The following SLC2A9 variants were observed in gnomAD, a reference collection of about 807,000 sequenced individuals.
SLC2A9 encodes the protein solute carrier family 2 member 9.
In SLC2A9, 39 loss-of-function variants were observed where a neutral mutation model predicts 50.6. The ratio of observed to expected loss-of-function variants is 0.77; its 90% CI spans 0.60 to 1.01. The LOEUF (loss-of-function observed/expected upper bound fraction) is 1.01. Ranked by LOEUF, SLC2A9 falls within the 50% of genes least tolerant of loss-of-function variation. SLC2A9 has a pLI of 0.00. For missense variants in SLC2A9, 686 were observed against 677.6 expected (o/e 1.01, Z -0.14); for synonymous variants, 324 against 276.9 (o/e 1.17, Z -1.69).
At chr4:9,981,096 G>C (rs530196019) in intron 4 of SLC2A9, among the ~76,000 whole-genome samples, 1 of 150,592 alleles carries the variant, frequency 6.6e-6, no homozygotes, top group African/African-American at 2.4e-5. Flanking sequence ...AGTGATGGTA[G>C]TAATGGTGAT....
chr4:9,971,502 C>A lies in SLC2A9; in HGVS notation c.681+9090G>T, dbSNP rs143024417. Among the ~76,000 whole-genome samples the A allele has an allele frequency of 2.0e-5, 3 of 152,336 alleles. No individual in the cohort carries two copies. In the East Asian group the frequency reaches 5.8e-4, roughly 29 times the overall value. On this transcript the variant is annotated intron_variant, in intron 5 of 11. Transcript: ENST00000264784. ...AGGTAGATGTAGCCTGAGAACCACT[C>A]TCTCCAAACCCCTCTTGTTGCTCAA... is the stretch of plus-strand genomic sequence containing the variant.
chr4:9,934,561 T>C (rs575036433), intron 6 of SLC2A9, among the ~76,000 whole-genome samples: 45 of 152,326 alleles, frequency 3.0e-4, no homozygotes, highest in African/African-American at 1.1e-3. Context: ...AGCACTATCC[T>C]AGCCATGAGC....
chr4:9,958,132 T>A (rs1412046935), intron 5 of SLC2A9, among the ~76,000 whole-genome samples: 1 of 152,192 alleles, frequency 6.6e-6, no homozygotes, highest in Non-Finnish European at 1.5e-5. Context: ...CCTTCAAAAT[T>A]CTGAGGAAAA....
At chr4:9,782,663 G>A (rs1229920214) in intron 3 of SLC2A9, 32 of 1,613,908 alleles carry the variant, frequency 2.0e-5, no homozygotes, top group Non-Finnish European at 2.5e-5. Flanking sequence ...GGAGCCCGAC[G>A]TGAATGCAGA....
At chr4:9,884,538 A>C (rs1047602835) in intron 10 of SLC2A9, among the ~76,000 whole-genome samples, 1 of 152,104 alleles carries the variant, frequency 6.6e-6, no homozygotes, top group African/African-American at 2.4e-5. Flanking sequence ...TCTGTGCAAC[A>C]GTGTATTTGT....
In SLC2A9 at chr4:10,018,994, A is replaced by G; in HGVS notation, c.230T>C (p.Val77Ala). ...ACTCACCGGGGTGGGGGCATTCACCACCGACAGGTTGTAGCCGTAGAGGAA... is the reference window on the plus strand; with the variant it reads ...ACTCACCGGGGTGGGGGCATTCACCGCCGACAGGTTGTAGCCGTAGAGGAA... ...SSFLYGYNLS[V>A]VNAPTPYIKA... is the part of the protein sequence containing the mutation. The change falls in exon 2 of 12, where the codon GTG becomes GCG. Residue 77 changes from valine to alanine, a missense_variant. Coordinates refer to ENST00000264784, the MANE Select transcript of SLC2A9 (RefSeq NM_020041.3). 3 of 1,550,064 alleles carry G rather than the reference A, an allele frequency of 1.9e-6. No homozygotes were observed. The highest frequency in any genetic ancestry group is 2.6e-6 in the Non-Finnish European group (3 of 1,146,916).
At chr4:9,900,071 A>T (rs1379248961) in intron 8 of SLC2A9, among the ~76,000 whole-genome samples, 1 of 152,222 alleles carries the variant, frequency 6.6e-6, no homozygotes, top group Non-Finnish European at 1.5e-5. Flanking sequence ...AAAAAAAAAT[A>T]GCTCTTCAAG....
At chr4:9,819,305 A>G (rs1367523758) in intron 3 of SLC2A9, among the ~76,000 whole-genome samples, 1 of 152,072 alleles carries the variant, frequency 6.6e-6, no homozygotes, top group Non-Finnish European at 1.5e-5. Context: ...CCAGCCATCT[A>G]TTGGAGTTCC....
At chr4:9,855,071 A>C (rs10000582) in intron 10 of SLC2A9, among the ~76,000 whole-genome samples, 23,510 of 152,118 alleles carry the variant, frequency 0.15, 2,412 homozygotes, top group African/African-American at 0.29. Flanking sequence ...GCCCACTCTT[A>C]CCACTCCTAT....
chr4:9,782,025 C>G lies in SLC2A9; in HGVS notation n.386-1960G>C, dbSNP rs200812406. 111 of 1,458,804 alleles carry G rather than the reference C, an allele frequency of 7.6e-5. No individual in the cohort carries two copies. In the South Asian group the frequency reaches 8.8e-4, roughly 12 times the overall value. 90.4% of individuals were successfully genotyped at this position (1,458,804 alleles called of 1,614,324 possible). A position where few individuals can be genotyped will look rare whatever the true frequency, so the allele number is the denominator to read the frequency against. ...GCACAGACCGCCCCTGCAGTCCAGC[C>G]CGAAATGCTGCCGCCAGGCAGCAAC... On this transcript the variant is annotated intron_variant and non_coding_transcript_variant, in intron 3 of 3. Transcript: ENST00000503803.
chr4:9,878,752 C>T (rs956690420), intron 10 of SLC2A9, among the ~76,000 whole-genome samples: 3 of 152,040 alleles, frequency 2.0e-5, no homozygotes, highest in Non-Finnish European at 4.4e-5. Context: ...AGTGCCGGCT[C>T]CCTGGGACTC....
At chr4:9,950,680 T>C (rs568069619) in intron 5 of SLC2A9, among the ~76,000 whole-genome samples, 1 of 96,402 alleles carries the variant, frequency 1.0e-5, no homozygotes, top group Non-Finnish European at 1.9e-5. Flanking sequence ...GAAAACAGTA[T>C]GGAGAGATCG....
Position 9,953,506 on chromosome 4 carries a change from G to A in SLC2A9, c.682-11461C>T, listed in dbSNP as rs534146504. On this transcript the variant is annotated intron_variant, in intron 5 of 11. Coordinates refer to ENST00000264784, the MANE Select transcript of SLC2A9 (RefSeq NM_020041.3). ...TCAAATTTAAATTTAACCTCTATGA[G>A]CCTCACTTTCCTTATCAATAAAATA... Among the ~76,000 whole-genome samples, 209 of 152,338 alleles carry A rather than the reference G, an allele frequency of 1.4e-3. No homozygotes were observed. The South Asian group carries it at 0.026, about 19-fold the overall frequency.
At chr4:10,019,109 G>A (rs375347849) in intron 1 of SLC2A9, 36 bp from the exon 2 acceptor site, 4 of 1,532,426 alleles carry the variant, frequency 2.6e-6, no homozygotes, top group Non-Finnish European at 3.5e-6. Context: ...AGCCGGCACC[G>A]GGCGCGCAGC....
chr4:9,999,263 G>A (rs1759340434), intron 2 of SLC2A9, among the ~76,000 whole-genome samples: 1 of 152,010 alleles, frequency 6.6e-6, no homozygotes. Flanking sequence ...GTCTCGCCAT[G>A]TTCCCCAAGG....
intron 5 of SLC2A9, among the ~76,000 whole-genome samples, chr4:9,948,137 C>G (rs1427135951): frequency 3.3e-5 from 5 of 152,066 alleles, no homozygotes; most frequent in Non-Finnish European, 1.5e-5. Context: ...CACCCCTTAC[C>G]TTCCATGACA....
chr4:9,787,959 G>C (rs1393471941), intron 3 of SLC2A9, among the ~76,000 whole-genome samples: 13 of 152,152 alleles, frequency 8.5e-5, no homozygotes, highest in Non-Finnish European at 1.8e-4. Context: ...ATTTCCTTTG[G>C]AGAAATACTT....
intron 8 of SLC2A9, among the ~76,000 whole-genome samples, chr4:9,894,102 G>A (rs920513971): frequency 9.9e-5 from 15 of 152,184 alleles, no homozygotes; most frequent in Admixed American, 5.2e-4. Flanking sequence ...TGATCCTAAG[G>A]AAATAGATGT....
intron 8 of SLC2A9, among the ~76,000 whole-genome samples, chr4:9,904,547 G>T (rs894343338): frequency 9.2e-5 from 14 of 152,200 alleles, no homozygotes; most frequent in African/African-American, 3.4e-4. Context: ...ACATTCCTTT[G>T]TGCCATGTAA....
Sources: gnomAD v4.1 joint callset for allele counts (sites outside exome capture counted in the v4.1 genomes callset) on GRCh38, gnomAD v4.1.1 for gene constraint, MANE v1.5 for transcripts, NCBI Gene and HGNC (gene_info 2026-07-23, HGNC 2026-07-21) for gene names.